The following CTNND2 variants were observed in gnomAD, a reference collection of about 807,000 sequenced individuals.
CTNND2 encodes catenin delta 2.
CTNND2 carries 22 observed loss-of-function variants against 144.4 expected under a neutral mutation model. The ratio of observed to expected loss-of-function variants is 0.15; its 90% confidence interval spans 0.11 to 0.22. The LOEUF is 0.22. Among genes scored for constraint, CTNND2 ranks in the 10% least tolerant of loss-of-function variants. CTNND2 has a pLI of 1.00. For missense variants in CTNND2, 1,353 were observed against 1,618.8 expected, an observed-to-expected ratio of 0.84 and a Z score of 2.82; for synonymous variants, 751 against 695.6, an observed-to-expected ratio of 1.08 and a Z score of -1.25.
intron 1 of CTNND2, among the ~76,000 whole-genome samples, chr5:11,751,977 C>T (rs1788649545): frequency 6.6e-6 from 1 of 151,620 alleles, no homozygotes; most frequent in East Asian, 1.9e-4. Flanking sequence ...ATGTTAAGTA[C>T]TTTTTCATAA....
intron 3 of CTNND2, among the ~76,000 whole-genome samples, chr5:11,531,979 T>C (rs755255800): frequency 2.6e-5 from 4 of 152,172 alleles, no homozygotes; most frequent in African/African-American, 7.2e-5. Context: ...TCCCAAACTG[T>C]TCCCCCAGCT....
intron 15 of CTNND2, among the ~76,000 whole-genome samples, chr5:11,093,011 C>G (rs1471207291): frequency 6.6e-6 from 1 of 152,204 alleles, no homozygotes; most frequent in Non-Finnish European, 1.5e-5. Context: ...TTGGGGCACA[C>G]GGCCAGAGAT....
intron 12 of CTNND2, among the ~76,000 whole-genome samples, chr5:11,143,768 A>G (rs1335375382): frequency 6.6e-6 from 1 of 152,238 alleles, no homozygotes; most frequent in Admixed American, 6.5e-5. Flanking sequence ...TGGGTGATGA[A>G]GCTCTGGCAT....
Position 11,640,701 on chromosome 5 carries a change from G to A in CTNND2, c.175-75645C>T, listed in dbSNP as rs150489498. Among the ~76,000 whole-genome samples, 33 of 152,242 alleles carry A rather than the reference G, an allele frequency of 2.2e-4. No individual in the cohort carries two copies. The East Asian group carries it at 5.4e-3, about 25-fold the overall frequency. On this transcript the variant is annotated intron_variant, in intron 2 of 21. Transcript: ENST00000304623. ...GAATGTGGCATGAGTCACATGACAC[G>A]CAAAAACAGAGAACACAAGGTCTTG... is the stretch of plus-strand genomic sequence containing the variant.
At chr5:11,160,891 T>C (rs1263824751) in intron 11 of CTNND2, among the ~76,000 whole-genome samples, 2 of 152,236 alleles carry the variant, frequency 1.3e-5, no homozygotes, top group African/African-American at 4.8e-5. Flanking sequence ...CCAAGGACAT[T>C]AATAATACAA....
At chr5:11,138,853 T>C (rs1347979254) in intron 12 of CTNND2, among the ~76,000 whole-genome samples, 1 of 152,234 alleles carries the variant, frequency 6.6e-6, no homozygotes, top group Non-Finnish European at 1.5e-5. Context: ...TACTGCTGCA[T>C]TGATTAGTCA....
At chr5:11,153,429 A>G (rs976292785) in intron 12 of CTNND2, among the ~76,000 whole-genome samples, 7 of 152,226 alleles carry the variant, frequency 4.6e-5, no homozygotes, top group African/African-American at 1.4e-4. Flanking sequence ...TGAACTTAAC[A>G]TAAAAATAAT....
chr5:11,457,500 C>A (rs141376592), intron 3 of CTNND2, among the ~76,000 whole-genome samples: 42 of 152,228 alleles, frequency 2.8e-4, no homozygotes, highest in African/African-American at 9.1e-4. Flanking sequence ...AAGAAATGAC[C>A]TCATTTGTTC....
rs1199861357 is a variant in CTNND2, at chr5:10,972,202, TA to T, written c.*1250del. On this transcript the variant is annotated 3_prime_UTR_variant, in exon 22 of 22. Transcript: ENST00000304623. ...TAAAATGTGTAAGGAAACGGACCTG[TA>T]GAGAGGGTTGATATCCAAGTATGCG... The T allele has an allele frequency of 6.6e-5, 10 of 152,610 alleles. No homozygotes were observed. The highest frequency in any genetic ancestry group is 2.4e-4 in the African/African-American group (10 of 41,440). 9.5% of individuals were successfully genotyped at this position (152,610 alleles called of 1,614,324 possible). A position where few individuals can be genotyped will look rare whatever the true frequency, so the allele number is the denominator to read the frequency against.
At chr5:11,368,383 C>A (rs2149777629) in intron 7 of CTNND2, among the ~76,000 whole-genome samples, 1 of 152,278 alleles carries the variant, frequency 6.6e-6, no homozygotes, top group East Asian at 1.9e-4. Context: ...TGACTACTGA[C>A]CACTTGGCTG....
chr5:11,709,089 G>C (rs1004463732), intron 2 of CTNND2, among the ~76,000 whole-genome samples: 1 of 152,152 alleles, frequency 6.6e-6, no homozygotes, highest in African/African-American at 2.4e-5. Flanking sequence ...TGCATCGACT[G>C]TTCCCAAGAG....
intron 1 of CTNND2, among the ~76,000 whole-genome samples, chr5:11,878,537 A>T (rs773857325): frequency 8.5e-5 from 13 of 152,226 alleles, no homozygotes; most frequent in Non-Finnish European, 1.8e-4. Flanking sequence ...CAGATCTCAA[A>T]CTGAATACAA....
At chr5:11,263,424 C>CA (rs1745114784) in intron 9 of CTNND2, among the ~76,000 whole-genome samples, 1 of 151,672 alleles carries the variant, frequency 6.6e-6, no homozygotes, top group African/African-American at 2.4e-5. Flanking sequence ...TAATAACATG[C>CA]AAAAATGCTC....
At chr5:11,307,761 C>CT (rs1225633791) in intron 9 of CTNND2, among the ~76,000 whole-genome samples, 3 of 152,172 alleles carry the variant, frequency 2.0e-5, no homozygotes, top group Non-Finnish European at 4.4e-5. Flanking sequence ...ACTCATAGTG[C>CT]TGCCTGTTAA....
intron 9 of CTNND2, among the ~76,000 whole-genome samples, chr5:11,307,082 T>G (rs1385976893): frequency 6.6e-6 from 1 of 151,072 alleles, no homozygotes; most frequent in Non-Finnish European, 1.5e-5. Context: ...GAGGCTACTT[T>G]GCTCAAAGTG....
intron 10 of CTNND2, among the ~76,000 whole-genome samples, chr5:11,232,141 G>A (rs545264679): frequency 6.6e-6 from 1 of 152,380 alleles, no homozygotes; most frequent in African/African-American, 2.4e-5. Context: ...GCAGAGGTTT[G>A]TTGCAGGGGT....
intron 2 of CTNND2, among the ~76,000 whole-genome samples, chr5:11,657,455 C>T (rs1782973785): frequency 6.6e-6 from 1 of 151,992 alleles, no homozygotes; most frequent in East Asian, 1.9e-4. Flanking sequence ...TTTCTCTCTC[C>T]TGTTTCTCTC....
intron 1 of CTNND2, among the ~76,000 whole-genome samples, chr5:11,755,106 C>G (rs921264082): frequency 6.6e-6 from 1 of 151,694 alleles, no homozygotes; most frequent in African/African-American, 2.4e-5. Flanking sequence ...AATTAGCACT[C>G]CCTTCAGGAC....
At chr5:11,663,106 G>A (rs1467958393) in intron 2 of CTNND2, among the ~76,000 whole-genome samples, 2 of 152,148 alleles carry the variant, frequency 1.3e-5, no homozygotes, top group Non-Finnish European at 2.9e-5. Context: ...CTAAGGAAAT[G>A]CAAGACTCCA....
Sources: allele counts gnomAD v4.1 joint callset (sites outside exome capture counted in the v4.1 genomes callset), GRCh38; gene constraint gnomAD v4.1.1; transcripts MANE v1.5; gene names NCBI Gene and HGNC (gene_info 2026-07-23, HGNC 2026-07-21).